BLTP3B: variants seen among roughly 807,000 people sequenced by gnomAD.
BLTP3B encodes UHRF1 (ICBP90) binding protein 1-like.
At chr12:100,037,489 T>C in the BLTP3B span, 3 of 1,487,280 alleles carry the variant, frequency 2.0e-6, no homozygotes, top group South Asian at 4.0e-5. Flanking sequence ...TAAACTGGCT[T>C]TGAAATAGTC....
the BLTP3B span, among the ~76,000 whole-genome samples, chr12:100,135,007 C>T: frequency 1.3e-5 from 2 of 152,346 alleles, no homozygotes; most frequent in East Asian, 1.9e-4. Flanking sequence ...TTAATTCCCA[C>T]ATGGCTGCCA....
the BLTP3B span, chr12:100,072,663 C>A: frequency 1.3e-6 from 2 of 1,490,526 alleles, no homozygotes; most frequent in Non-Finnish European, 1.8e-6. Flanking sequence ...TAATTAAAAA[C>A]TCTCTTACTT....
the BLTP3B span, chr12:100,051,488 C>A: frequency 7.2e-6 from 2 of 278,946 alleles, no homozygotes; most frequent in Admixed American, 5.0e-5. Context: ...TTAAAAAATG[C>A]CATAAAAATG....
chr12:100,142,730 C>A, the BLTP3B span: 1 of 1,518,130 alleles, frequency 6.6e-7, no homozygotes. Flanking sequence ...GCCCGGCCGG[C>A]GGAGAGGCGC....
the BLTP3B span, chr12:100,093,097 C>A: frequency 2.7e-6 from 1 of 372,064 alleles, no homozygotes; most frequent in Non-Finnish European, 3.7e-6. Flanking sequence ...CATATACAGT[C>A]ACTGCAAACT....
the BLTP3B span, among the ~76,000 whole-genome samples, chr12:100,108,755 A>G: frequency 6.2e-4 from 95 of 152,334 alleles, 1 homozygote; most frequent in Middle Eastern, 3.4e-3. Context: ...GTCATTTGCA[A>G]CAACATGGAT....
At chr12:100,087,158 CAAAAA>C in the BLTP3B span, among the ~76,000 whole-genome samples, 1 of 59,892 alleles carries the variant, frequency 1.7e-5, no homozygotes, top group Non-Finnish European at 3.1e-5. Context: ...GACTCCATCT[CAAAAA>C]AAAAAAAAAA....
At chr12:100,077,017 T>G in the BLTP3B span, among the ~76,000 whole-genome samples, 2 of 152,224 alleles carry the variant, frequency 1.3e-5, no homozygotes, top group Non-Finnish European at 2.9e-5. Flanking sequence ...AAGTGATTCC[T>G]CTTTCTCATT....
At chr12:100,048,925 T>C in the BLTP3B span, among the ~76,000 whole-genome samples, 1 of 151,928 alleles carries the variant, frequency 6.6e-6, no homozygotes, top group Non-Finnish European at 1.5e-5. Context: ...TAATAGAATA[T>C]CTAACTTAAA....
the BLTP3B span, among the ~76,000 whole-genome samples, chr12:100,047,024 G>GT: frequency 3.3e-5 from 5 of 152,008 alleles, no homozygotes; most frequent in Non-Finnish European, 7.4e-5. Flanking sequence ...TATATATGAG[G>GT]TTTTTTCCAG....
At chr12:100,116,547 A>G in the BLTP3B span, among the ~76,000 whole-genome samples, 1 of 152,242 alleles carries the variant, frequency 6.6e-6, no homozygotes, top group East Asian at 1.9e-4. Flanking sequence ...ACACCCATTC[A>G]TGAAAAAATA....
chr12:100,047,353 C>G, the BLTP3B span, among the ~76,000 whole-genome samples: 1 of 152,090 alleles, frequency 6.6e-6, no homozygotes, highest in African/African-American at 2.4e-5. Context: ...CAAAAATTAA[C>G]TGGGCGTGTT....
chr12:100,078,814 T>C, the BLTP3B span, among the ~76,000 whole-genome samples: 37 of 152,322 alleles, frequency 2.4e-4, no homozygotes, highest in Non-Finnish European at 4.3e-4. Flanking sequence ...AAATCTCATC[T>C]TGAATTGTAA....
the BLTP3B span, among the ~76,000 whole-genome samples, chr12:100,142,025 C>T: frequency 6.6e-6 from 1 of 152,186 alleles, no homozygotes; most frequent in Non-Finnish European, 1.5e-5. Context: ...AAAACAAATC[C>T]TAACTGTGCA....
chr12:100,131,404 G>A, the BLTP3B span, among the ~76,000 whole-genome samples: 1 of 151,696 alleles, frequency 6.6e-6, no homozygotes, highest in African/African-American at 2.4e-5. Flanking sequence ...ATAGACAACA[G>A]TAAAGGAAAA....
At chr12:100,053,411 A>T in the BLTP3B span, among the ~76,000 whole-genome samples, 1 of 152,026 alleles carries the variant, frequency 6.6e-6, no homozygotes, top group Non-Finnish European at 1.5e-5. Flanking sequence ...TGGTATCAAA[A>T]ATATATATAT....
the BLTP3B span, among the ~76,000 whole-genome samples, chr12:100,061,530 G>A: frequency 6.6e-6 from 1 of 151,996 alleles, no homozygotes; most frequent in African/African-American, 2.4e-5. Flanking sequence ...GGTGGCGGGC[G>A]CCTGTAGTCC....
chr12:100,102,984 T>G, the BLTP3B span: 1 of 573,174 alleles, frequency 1.7e-6, no homozygotes. Flanking sequence ...CAGAGTCATT[T>G]AAGTGCCTCT....
chr12:100,140,876 CTTAATTT>C, the BLTP3B span, among the ~76,000 whole-genome samples: 2 of 150,766 alleles, frequency 1.3e-5, no homozygotes, highest in African/African-American at 2.4e-5. Context: ...TATGCATGCT[CTTAATTT>C]TTAAGAGCCC....
Sources: gnomAD v4.1 joint callset for allele counts (sites outside exome capture counted in the v4.1 genomes callset) on GRCh38, gnomAD v4.1.1 for gene constraint, MANE v1.5 for transcripts, NCBI Gene and HGNC (gene_info 2026-07-23, HGNC 2026-07-21) for gene names.